Variants in DLG2 observed in about 807,000 individuals in gnomAD.
DLG2 encodes the protein discs large MAGUK scaffold protein 2.
A neutral mutation model predicts 132.5 loss-of-function variants in DLG2; 45 were observed. The ratio of observed to expected loss-of-function variants is 0.34; its 90% CI spans 0.27 to 0.44. The LOEUF (loss-of-function observed/expected upper bound fraction) is 0.44. Among genes scored for constraint, DLG2 ranks in the 20% least tolerant of loss-of-function variants. The pLI, the probability that DLG2 is intolerant of heterozygous loss-of-function variation, is 1.00. For missense variants in DLG2, 1,045 were observed against 1,196.9 expected (o/e 0.87, Z 1.87); for synonymous variants, 424 against 419.6 (o/e 1.01, Z -0.13).
intron 15 of DLG2, among the ~76,000 whole-genome samples, chr11:83,877,930 C>T (rs2065180706): frequency 6.6e-6 from 1 of 152,200 alleles, no homozygotes; most frequent in Admixed American, 6.5e-5. Flanking sequence ...TAGGTTCTAT[C>T]GTTTCCACAT....
chr11:84,425,802 G>A (rs1057017165), intron 7 of DLG2, among the ~76,000 whole-genome samples: 18 of 152,086 alleles, frequency 1.2e-4, no homozygotes, highest in African/African-American at 4.3e-4. Flanking sequence ...TCTCAAAACT[G>A]TGCATCCTAG....
intron 6 of DLG2, among the ~76,000 whole-genome samples, chr11:84,826,528 C>CT (rs1217197864): frequency 6.6e-6 from 1 of 151,856 alleles, no homozygotes; most frequent in Non-Finnish European, 1.5e-5. Context: ...TGGAATTGTT[C>CT]TTTAATTCCT....
chr11:84,840,616 A>T (rs12793923), intron 6 of DLG2, among the ~76,000 whole-genome samples: 22,088 of 152,152 alleles, frequency 0.15, 1,854 homozygotes, highest in African/African-American at 0.21. Flanking sequence ...AATAGACTGG[A>T]TTAAGAAAAT....
chr11:85,291,845 A>G (rs1451941790), intron 3 of DLG2, among the ~76,000 whole-genome samples: 4 of 152,048 alleles, frequency 2.6e-5, no homozygotes, highest in African/African-American at 9.7e-5. Flanking sequence ...TCAGCCTCCC[A>G]AAGTGCTGGG....
At chr11:83,701,059 T>C (rs887195981) in intron 18 of DLG2, among the ~76,000 whole-genome samples, 1 of 152,152 alleles carries the variant, frequency 6.6e-6, no homozygotes, top group African/African-American at 2.4e-5. Context: ...ATGTCTAGGC[T>C]TTGTTAGATG....
chr11:84,165,333 C>T (rs1251368007), intron 8 of DLG2, among the ~76,000 whole-genome samples: 4 of 152,188 alleles, frequency 2.6e-5, no homozygotes, highest in African/African-American at 9.7e-5. Flanking sequence ...TAGTGGCATA[C>T]ACTGCATAGT....
At chr11:84,143,550 C>A (rs2094944031) in intron 9 of DLG2, among the ~76,000 whole-genome samples, 2 of 152,092 alleles carry the variant, frequency 1.3e-5, no homozygotes, top group African/African-American at 4.8e-5. Flanking sequence ...CATTCTTTTC[C>A]TTCAAACAAT....
intron 9 of DLG2, among the ~76,000 whole-genome samples, chr11:84,099,509 T>C (rs1327928576): frequency 1.3e-5 from 2 of 151,932 alleles, no homozygotes; most frequent in African/African-American, 4.8e-5. Flanking sequence ...CACTTATCTG[T>C]CAAATAATGT....
intron 6 of DLG2, among the ~76,000 whole-genome samples, chr11:84,750,524 AAAAT>A (rs1309075521): frequency 6.6e-6 from 1 of 152,084 alleles, no homozygotes; most frequent in Non-Finnish European, 1.5e-5. Context: ...TATTTTTAAA[AAAAT>A]AAATATCATA....
intron 3 of DLG2, among the ~76,000 whole-genome samples, chr11:85,516,419 T>C (rs943569935): frequency 1.3e-5 from 2 of 151,806 alleles, no homozygotes; most frequent in Non-Finnish European, 2.9e-5. Context: ...AAACTGCAAC[T>C]AGCAGAAGGA....
Position 83,873,715 on chromosome 11 carries a change from G to GC in DLG2, c.1565+704_1565+705insG, listed in dbSNP as rs1205578145. Among the ~76,000 whole-genome samples the GC allele has an allele frequency of 2.6e-5, 4 of 152,154 alleles. No homozygotes were observed. In the East Asian group the frequency reaches 5.8e-4, roughly 22 times the overall value. ...ACCAATAAGCACTCAGTAAATGTTA[G>GC]TTTTTTTTCTTCCCTTGGAGGAATA... is the stretch of plus-strand genomic sequence containing the variant. On this transcript the variant is annotated intron_variant, in intron 16 of 27. Coordinates refer to ENST00000376104, the MANE Select transcript of DLG2 (RefSeq NM_001142699.3).
chr11:83,655,134 T>C (rs78379126), intron 18 of DLG2, among the ~76,000 whole-genome samples: 1,644 of 152,340 alleles, frequency 0.011, 17 homozygotes, highest in Middle Eastern at 0.024. Context: ...TGTATTGTAA[T>C]GAGTGGCCTC....
At chr11:84,502,748 T>C (rs1192969850) in intron 7 of DLG2, among the ~76,000 whole-genome samples, 1 of 152,064 alleles carries the variant, frequency 6.6e-6, no homozygotes, top group Non-Finnish European at 1.5e-5. Flanking sequence ...TGTTTACTTA[T>C]TTCACTATGT....
At chr11:83,663,218 C>T (rs2153553609) in intron 18 of DLG2, among the ~76,000 whole-genome samples, 1 of 152,200 alleles carries the variant, frequency 6.6e-6, no homozygotes, top group Non-Finnish European at 1.5e-5. Context: ...CTCCTAGAGA[C>T]AAAATAATTT....
At chr11:85,088,291 G>A (rs1333883100) in intron 6 of DLG2, among the ~76,000 whole-genome samples, 1 of 152,070 alleles carries the variant, frequency 6.6e-6, no homozygotes, top group African/African-American at 2.4e-5. Context: ...AGAAATGAAG[G>A]TAATCGACAG....
At chr11:84,579,188 C>CATGT (rs1555057731) in intron 6 of DLG2, among the ~76,000 whole-genome samples, 4 of 145,596 alleles carry the variant, frequency 2.7e-5, no homozygotes, top group Non-Finnish European at 6.1e-5. Flanking sequence ...GCATTATTCA[C>CATGT]GTGTGTGTGT....
intron 11 of DLG2, among the ~76,000 whole-genome samples, chr11:84,058,884 C>A (rs1053431751): frequency 3.3e-5 from 5 of 151,694 alleles, no homozygotes; most frequent in Non-Finnish European, 5.9e-5. Context: ...AGAATATAAC[C>A]AAACTTTAAA....
intron 16 of DLG2, among the ~76,000 whole-genome samples, chr11:83,851,236 T>G (rs1435648138): frequency 6.6e-6 from 1 of 150,984 alleles, no homozygotes; most frequent in Non-Finnish European, 1.5e-5. Context: ...GAATGTGACA[T>G]GTTAGGAAAG....
At chr11:83,770,265 G>GTTTTT (rs71066064) in intron 18 of DLG2, among the ~76,000 whole-genome samples, 1 of 128,772 alleles carries the variant, frequency 7.8e-6, no homozygotes, top group East Asian at 2.1e-4. Flanking sequence ...GTTTTTTTTT[G>GTTTTT]TTTTTTTGCT....
Sources: gnomAD v4.1 joint callset for allele counts (sites outside exome capture counted in the v4.1 genomes callset) on GRCh38, gnomAD v4.1.1 for gene constraint, MANE v1.5 for transcripts, NCBI Gene and HGNC (gene_info 2026-07-23, HGNC 2026-07-21) for gene names.